The following AKAP13 variants were observed in gnomAD, a reference collection of about 807,000 sequenced individuals.
AKAP13 encodes A-kinase anchoring protein 13, also known as A-kinase anchor protein 13.
In AKAP13, 80 loss-of-function variants were observed where a neutral mutation model predicts 264.5. The observed-to-expected ratio is 0.30, with a 90% CI of 0.25 to 0.36. AKAP13 has a LOEUF of 0.36. Ranked by LOEUF, AKAP13 falls within the 10% of genes least tolerant of loss-of-function variation. The pLI, the probability that AKAP13 is intolerant of heterozygous loss-of-function variation, is 1.00. For synonymous variants in AKAP13, 1,380 were observed against 1,250.2 expected (o/e 1.10, Z -2.19); for missense variants, 3,712 against 3,435.2 (o/e 1.08, Z -2.01).
intron 2 of AKAP13, among the ~76,000 whole-genome samples, chr15:85,515,080 A>G (rs1381230987): frequency 7.2e-6 from 1 of 138,258 alleles, no homozygotes; most frequent in Admixed American, 7.3e-5. Context: ...CTTGGAGCCT[A>G]CAAGAATGTC....
chr15:85,568,785 A>G (rs2078700106), intron 5 of AKAP13, among the ~76,000 whole-genome samples: 1 of 152,232 alleles, frequency 6.6e-6, no homozygotes, highest in Non-Finnish European at 1.5e-5. Flanking sequence ...TCTCAATACA[A>G]AAAGAACAAC....
intron 13 of AKAP13, among the ~76,000 whole-genome samples, chr15:85,668,903 A>G (rs1249995733): frequency 2.0e-5 from 3 of 150,884 alleles, no homozygotes; most frequent in Non-Finnish European, 2.9e-5. Context: ...AGATCATGCC[A>G]CTGCACTCCA....
intron 1 of AKAP13, among the ~76,000 whole-genome samples, chr15:85,395,794 C>T (rs975729955): frequency 1.3e-4 from 20 of 151,894 alleles, no homozygotes; most frequent in Non-Finnish European, 2.8e-4. Flanking sequence ...TGTTCATTTC[C>T]TTTCCCCGGT....
intron 3 of AKAP13, 142 bp downstream of exon 3, chr15:85,521,717 C>A: frequency 1.1e-6 from 1 of 890,994 alleles, no homozygotes; most frequent in Non-Finnish European, 1.6e-6. Flanking sequence ...GTTTGAATAT[C>A]TGGTCCTGCT....
At chr15:85,730,303 G>T (rs2087910462) in intron 29 of AKAP13, among the ~76,000 whole-genome samples, 2 of 152,192 alleles carry the variant, frequency 1.3e-5, no homozygotes, top group African/African-American at 4.8e-5. Context: ...TCCATGGTTT[G>T]CCAGAAAGAT....
rs114152747 is a variant in AKAP13, at chr15:85,485,941, G to A, written c.33+188G>A. On this transcript the variant is annotated intron_variant, in intron 2 of 36. Transcript: ENST00000394518. ...AATACTAAATGGCTAATCTGTGCAT[G>A]GAAATGAAAACAAATAATACCTGTA... 2.1e-3 allele frequency among the ~76,000 whole-genome samples: 321 copies of A among 152,282 alleles called. 4 individuals carry two copies. Among genetic ancestry groups the A allele is most frequent in the African/African-American group, 7.4e-3 (309 of 41,554 alleles).
At chr15:85,525,297 A>G (rs1190325724) in intron 3 of AKAP13, among the ~76,000 whole-genome samples, 1 of 152,080 alleles carries the variant, frequency 6.6e-6, no homozygotes, top group Non-Finnish European at 1.5e-5. Flanking sequence ...TGACCTCGTG[A>G]TCCACCTGCC....
intron 2 of AKAP13, 56 bp downstream of exon 2, chr15:85,485,809 T>G: frequency 6.5e-7 from 1 of 1,527,792 alleles, no homozygotes; most frequent in Non-Finnish European, 9.1e-7. Flanking sequence ...TGCTTACTTG[T>G]TATAATAAGC....
intron 1 of AKAP13, among the ~76,000 whole-genome samples, chr15:85,471,682 C>T (rs1188440567): frequency 6.6e-6 from 1 of 152,192 alleles, no homozygotes; most frequent in Non-Finnish European, 1.5e-5. Flanking sequence ...AATCGCCTCC[C>T]CCCATCCCTG....
At chr15:85,479,760 C>T (rs2075293663) in intron 1 of AKAP13, among the ~76,000 whole-genome samples, 3 of 152,264 alleles carry the variant, frequency 2.0e-5, no homozygotes, top group South Asian at 2.1e-4. Flanking sequence ...TGACTCCCCA[C>T]CCCCCTTTTT....
intron 17 of AKAP13, among the ~76,000 whole-genome samples, chr15:85,707,157 G>A (rs545936649): frequency 6.6e-5 from 10 of 152,254 alleles, no homozygotes; most frequent in Admixed American, 2.6e-4. Flanking sequence ...CCCACAGGCC[G>A]ATCTTTCATT....
chr15:85,628,279 T>C (rs540253031), intron 8 of AKAP13, among the ~76,000 whole-genome samples: 1 of 152,312 alleles, frequency 6.6e-6, no homozygotes, highest in Admixed American at 6.5e-5. Flanking sequence ...CACCTTCTTG[T>C]CTATTGCTGT....
chr15:85,740,712 C>G, intron 34 of AKAP13: 1 of 350,286 alleles, frequency 2.9e-6, no homozygotes, highest in South Asian at 4.1e-5. Flanking sequence ...TTCCTACTTT[C>G]TCCCACTTCC....
intron 1 of AKAP13, among the ~76,000 whole-genome samples, chr15:85,419,537 A>G (rs188450995): frequency 6.6e-6 from 1 of 152,316 alleles, no homozygotes; most frequent in Non-Finnish European, 1.5e-5. Context: ...ATAGTTGCCT[A>G]ATCATTTAAG....
intron 1 of AKAP13, among the ~76,000 whole-genome samples, chr15:85,450,773 A>G (rs1050909897): frequency 1.3e-5 from 2 of 152,146 alleles, no homozygotes; most frequent in African/African-American, 2.4e-5. Flanking sequence ...TTTATGTCCA[A>G]TTATATGGTT....
intron 31 of AKAP13, 90 bp from the exon 32 acceptor site, chr15:85,735,470 C>T (rs1427381889): frequency 7.3e-7 from 1 of 1,370,140 alleles, no homozygotes; most frequent in Non-Finnish European, 1.0e-6. Context: ...TTCAGACATA[C>T]TACATCCCCA....
At chr15:85,530,542 A>G (rs538007194) in intron 3 of AKAP13, among the ~76,000 whole-genome samples, 1 of 152,330 alleles carries the variant, frequency 6.6e-6, no homozygotes, top group South Asian at 2.1e-4. Flanking sequence ...TAAGGTTTGA[A>G]GGCATAATTC....
intron 7 of AKAP13, among the ~76,000 whole-genome samples, chr15:85,584,533 ACTT>A (rs1180718404): frequency 6.6e-6 from 1 of 152,248 alleles, no homozygotes; most frequent in Non-Finnish European, 1.5e-5. Context: ...TCAGATTTTA[ACTT>A]TAATAACATT....
intron 1 of AKAP13, among the ~76,000 whole-genome samples, chr15:85,408,156 T>G (rs923769835): frequency 6.6e-6 from 1 of 151,684 alleles, no homozygotes; most frequent in African/African-American, 2.4e-5. Flanking sequence ...ATGTTTACAT[T>G]TGGCTTAGAT....
Sources: allele counts gnomAD v4.1 joint callset (sites outside exome capture counted in the v4.1 genomes callset), GRCh38; gene constraint gnomAD v4.1.1; transcripts MANE v1.5; gene names NCBI Gene and HGNC (gene_info 2026-07-23, HGNC 2026-07-21).